EYS: variants seen among roughly 807,000 people sequenced by gnomAD.
EYS encodes EGF-like photoreceptor maintenance factor, also known as protein eyes shut homolog.
A neutral mutation model predicts 282.1 loss-of-function variants in EYS; 250 were observed. The ratio of observed to expected loss-of-function variants is 0.89; its 90% confidence interval spans 0.80 to 0.98. The LOEUF (loss-of-function observed/expected upper bound fraction) is 0.98. Among genes scored for constraint, EYS ranks in the 50% least tolerant of loss-of-function variants. The probability of loss-of-function intolerance (pLI) is 0.00; values close to 1 mark genes in which losing one functional copy is unlikely to be tolerated. For missense variants in EYS, 4,016 were observed against 3,709.0 expected (o/e 1.08, Z -2.15); for synonymous variants, 1,355 against 1,282.9 (o/e 1.06, Z -1.20).
intron 26 of EYS, among the ~76,000 whole-genome samples, chr6:64,582,498 A>G (rs1471212176): frequency 2.0e-5 from 3 of 151,862 alleles, no homozygotes; most frequent in African/African-American, 7.3e-5. Flanking sequence ...TGGTATAGTT[A>G]TAGCTGTGTT....
chr6:63,822,017 A>T (rs1314033395), intron 36 of EYS: 2 of 152,260 alleles, frequency 1.3e-5, no homozygotes, highest in Non-Finnish European at 2.9e-5. Context: ...CATGTGCTGT[A>T]GGTAGCAAAA....
chr6:64,265,914 G>GT (rs1406730221), intron 30 of EYS, among the ~76,000 whole-genome samples: 1 of 152,004 alleles, frequency 6.6e-6, no homozygotes, highest in East Asian at 1.9e-4. Context: ...TTTGCTCTAG[G>GT]TTTTTTGCCT....
At chr6:63,776,023 A>G (rs560322843) in intron 40 of EYS, among the ~76,000 whole-genome samples, 2 of 152,130 alleles carry the variant, frequency 1.3e-5, no homozygotes, top group African/African-American at 4.8e-5. Flanking sequence ...GATAAGAAAA[A>G]TTTTTAGAAT....
rs944701553 is a variant in EYS, at chr6:64,221,791, A to G, written c.6424+8801T>C. Among the ~76,000 whole-genome samples the G allele has an allele frequency of 5.3e-5, 8 of 152,048 alleles. No homozygotes were observed. In the South Asian group the frequency reaches 1.7e-3, roughly 31 times the overall value. Reference sequence around the variant, plus strand: ...AATTCCTTTGTCCATTTTATATAAGAAACTTGATTGTTTATGGTATCTGAG... The same window carrying G: ...AATTCCTTTGTCCATTTTATATAAGGAACTTGATTGTTTATGGTATCTGAG... On this transcript the variant is annotated intron_variant, in intron 31 of 42. Transcript: ENST00000503581.
intron 30 of EYS, among the ~76,000 whole-genome samples, chr6:64,236,045 C>T (rs1766595531): frequency 6.6e-6 from 1 of 152,324 alleles, no homozygotes. Context: ...GACCAATATC[C>T]TTGATGAACA....
At position 64,886,709 on chromosome 6, in the gene EYS, G is replaced by C. The variant is rs749081001; in HGVS notation, c.2980C>G (p.Pro994Ala). 46 of 1,544,314 alleles carry C rather than the reference G, an allele frequency of 3.0e-5. No individual in the cohort carries two copies. The East Asian group carries it at 1.0e-3, about 34-fold the overall frequency. Residue 994 changes from proline (P) to alanine (A), a missense_variant, in exon 19 of 43, where the codon CCT becomes GCT. Transcript: ENST00000503581. ...RTDGYNCLCA[P>A]GYTGINCEIN... ...GATATGGATTTACCTGTATAACCAG[G>C]GGCACAGAGGCAGTTGTATCCATCA...
At chr6:64,495,526 A>C (rs1208764791) in intron 26 of EYS, among the ~76,000 whole-genome samples, 1 of 151,822 alleles carries the variant, frequency 6.6e-6, no homozygotes, top group East Asian at 1.9e-4. Context: ...TGAGACCAAT[A>C]GAAAAAAACT....
rs572890498 is a variant in EYS at position 64,204,255 on chromosome 6, T to C, written c.6424+26337A>G. On this transcript the variant is annotated intron_variant, in intron 31 of 42. Coordinates refer to ENST00000503581, the MANE Select transcript of EYS (RefSeq NM_001142800.2). The stretch of plus-strand genomic sequence containing the variant: ...TTCAAAGCAATGTTCTTCAAATATC[T>C]GATTTTATTTTAAAAGCAAAAGCAC... 5.3e-5 allele frequency among the ~76,000 whole-genome samples: 8 copies of C among 152,274 alleles called. No homozygotes were observed. In the East Asian group the frequency reaches 1.2e-3, roughly 22 times the overall value.
intron 1 of EYS, among the ~76,000 whole-genome samples, chr6:65,670,474 G>T (rs1205693200): frequency 6.6e-6 from 1 of 152,002 alleles, no homozygotes; most frequent in African/African-American, 2.4e-5. Context: ...AACTCTGTGT[G>T]TGCTACTGTT....
At chr6:63,796,159 C>T (rs1183842536) in intron 37 of EYS, among the ~76,000 whole-genome samples, 1 of 152,190 alleles carries the variant, frequency 6.6e-6, no homozygotes, top group Non-Finnish European at 1.5e-5. Context: ...TACTGATTCT[C>T]ACTAATCATT....
chr6:64,387,580 A>G (rs1561964523), intron 29 of EYS, among the ~76,000 whole-genome samples: 1 of 152,138 alleles, frequency 6.6e-6, no homozygotes, highest in Non-Finnish European at 1.5e-5. Flanking sequence ...GAACTCCAAC[A>G]ATGTGACAGG....
intron 19 of EYS, among the ~76,000 whole-genome samples, chr6:64,856,482 G>A (rs1400445148): frequency 6.6e-6 from 1 of 151,942 alleles, no homozygotes; most frequent in Non-Finnish European, 1.5e-5. Flanking sequence ...TGCATTTTTA[G>A]AAGATGGCGT....
chr6:64,526,683 G>C (rs907706907), intron 26 of EYS, among the ~76,000 whole-genome samples: 3 of 151,808 alleles, frequency 2.0e-5, no homozygotes, highest in African/African-American at 7.2e-5. Context: ...GGGAAAAAGA[G>C]AAAGTAGATT....
intron 33 of EYS, among the ~76,000 whole-genome samples, chr6:64,056,239 A>T (rs1455902234): frequency 2.0e-5 from 3 of 152,214 alleles, no homozygotes; most frequent in East Asian, 3.9e-4. Context: ...AAGGAATTTG[A>T]CCTAAGATGC....
chr6:64,770,823 T>G (rs1773502693), intron 22 of EYS, among the ~76,000 whole-genome samples: 1 of 151,934 alleles, frequency 6.6e-6, no homozygotes, highest in Admixed American at 6.6e-5. Context: ...TATTGAAGTC[T>G]GTGACATTAG....
chr6:65,295,119 T>A (rs1768626336), intron 12 of EYS, among the ~76,000 whole-genome samples: 1 of 151,916 alleles, frequency 6.6e-6, no homozygotes, highest in African/African-American at 2.4e-5. Context: ...GTCTGCTTAA[T>A]AAAATGGAAA....
intron 12 of EYS, among the ~76,000 whole-genome samples, chr6:65,213,887 G>C (rs193154127): frequency 6.6e-6 from 1 of 152,006 alleles, no homozygotes; most frequent in Non-Finnish European, 1.5e-5. Context: ...CTGGCCGGGC[G>C]TGGTGGCTCA....
chr6:65,633,862 GC>G (rs972199688), intron 2 of EYS, among the ~76,000 whole-genome samples: 1 of 152,138 alleles, frequency 6.6e-6, no homozygotes, highest in African/African-American at 2.4e-5. Flanking sequence ...CTGTTTTCCC[GC>G]TGCAATGGCA....
chr6:64,091,751 T>A (rs1007673587), intron 31 of EYS, among the ~76,000 whole-genome samples: 1 of 152,064 alleles, frequency 6.6e-6, no homozygotes, highest in African/African-American at 2.4e-5. Flanking sequence ...ATACTGACAT[T>A]GTCTTTTTTT....
Sources: allele counts gnomAD v4.1 joint callset (sites outside exome capture counted in the v4.1 genomes callset), GRCh38; gene constraint gnomAD v4.1.1; transcripts MANE v1.5; gene names NCBI Gene and HGNC (gene_info 2026-07-23, HGNC 2026-07-21).